The following SOX6 variants were observed in gnomAD, a reference collection of about 807,000 sequenced individuals.
The protein encoded by SOX6 is SRY-box transcription factor 6, also known as transcription factor SOX-6.
SOX6 carries 11 observed loss-of-function variants against 97.8 expected under a neutral mutation model. The ratio of observed to expected loss-of-function variants is 0.11; its 90% confidence interval spans 0.07 to 0.19. The LOEUF (loss-of-function observed/expected upper bound fraction) is 0.19, where lower values mean the gene tolerates loss of function less well. Among genes scored for constraint, SOX6 ranks in the 10% least tolerant of loss-of-function variants. The pLI, the probability that SOX6 is intolerant of heterozygous loss-of-function variation, is 1.00. For synonymous variants in SOX6, 360 were observed against 371.4 expected (o/e 0.97, Z 0.35); for missense variants, 810 against 1,039.5 (o/e 0.78, Z 3.04).
chr11:16,060,948 A>C (rs2133928266), intron 9 of SOX6, among the ~76,000 whole-genome samples: 1 of 151,928 alleles, frequency 6.6e-6, no homozygotes, highest in South Asian at 2.1e-4. Flanking sequence ...CTTGCAAATA[A>C]CAGATACCCA....
At chr11:16,675,759 G>A (rs1847879739) in intron 3 of SOX6, among the ~76,000 whole-genome samples, 1 of 152,330 alleles carries the variant, frequency 6.6e-6, no homozygotes, top group South Asian at 2.1e-4. Flanking sequence ...CTTTGAAGAT[G>A]TCATCCCATT....
intron 2 of SOX6, among the ~76,000 whole-genome samples, chr11:16,728,879 T>A (rs1355883782): frequency 6.6e-6 from 1 of 152,054 alleles, no homozygotes; most frequent in Admixed American, 6.6e-5. Context: ...AGTTTAGAGA[T>A]GAACATAAAT....
At chr11:16,272,821 C>T (rs1639366532) in intron 3 of SOX6, among the ~76,000 whole-genome samples, 1 of 151,886 alleles carries the variant, frequency 6.6e-6, no homozygotes, top group Non-Finnish European at 1.5e-5. Context: ...TGCTTTCAAC[C>T]TCATCTAGCC....
At chr11:16,401,386 A>T (rs1313676864) in intron 1 of SOX6, among the ~76,000 whole-genome samples, 1 of 151,494 alleles carries the variant, frequency 6.6e-6, no homozygotes, top group Non-Finnish European at 1.5e-5. Context: ...ACCAAAAAAA[A>T]TCTTATGTGA....
rs1853336714 is a variant in SOX6 at position 15,972,171 on chromosome 11, A to G, written c.*638T>C. On this transcript the variant is annotated 3_prime_UTR_variant, in exon 16 of 16. Transcript: ENST00000683767. ...GTTTGCTATTTTATTTTAAGATGCC[A>G]AAGATTGTCTAAGACTTTGCAGTGT... 1 of 152,736 alleles carries G rather than the reference A, an allele frequency of 6.5e-6. No homozygotes were observed. The highest frequency in any genetic ancestry group is 6.5e-5 in the Admixed American group (1 of 15,288). 9.5% of individuals were successfully genotyped at this position (152,736 alleles called of 1,614,324 possible).
chr11:16,113,037 G>A (rs1327488601), intron 6 of SOX6, among the ~76,000 whole-genome samples: 1 of 152,042 alleles, frequency 6.6e-6, no homozygotes, highest in East Asian at 1.9e-4. Context: ...ACCCTTCCCT[G>A]TCTAAATTCC....
At chr11:16,337,464 C>G (rs169859) in intron 2 of SOX6, among the ~76,000 whole-genome samples, 131,873 of 152,102 alleles carry the variant, frequency 0.87, 57,608 homozygotes, top group Non-Finnish European at 0.92. Context: ...ATAATAATAT[C>G]CTGTACATTT....
intron 1 of SOX6, among the ~76,000 whole-genome samples, chr11:16,371,300 AC>A (rs1175545057): frequency 1.3e-5 from 2 of 151,552 alleles, no homozygotes; most frequent in Admixed American, 1.3e-4. Flanking sequence ...TTTCTCTTTT[AC>A]CTCAAGTTTT....
rs1220193127 is a variant in SOX6, at chr11:16,642,163, T to C, written n.430-29903A>G. 2.6e-5 allele frequency among the ~76,000 whole-genome samples: 4 copies of C among 152,160 alleles called. No individual in the cohort carries two copies. The East Asian group carries it at 7.7e-4, about 29-fold the overall frequency. ...AAGTATTTTATTTCTCTTTCACTTATGAAGCTTAGTTTGGCTGGATATGAA... is the reference window on the plus strand; with the variant it reads ...AAGTATTTTATTTCTCTTTCACTTACGAAGCTTAGTTTGGCTGGATATGAA... On this transcript the variant is annotated intron_variant and non_coding_transcript_variant, in intron 3 of 5. Transcript: ENST00000524520.
At chr11:16,085,807 T>C (rs1848565616) in intron 9 of SOX6, among the ~76,000 whole-genome samples, 1 of 152,238 alleles carries the variant, frequency 6.6e-6, no homozygotes, top group Non-Finnish European at 1.5e-5. Flanking sequence ...CAACTGTTCA[T>C]CACAAAACAC....
chr11:16,729,035 A>G (rs1003626998), intron 2 of SOX6, among the ~76,000 whole-genome samples: 3 of 152,214 alleles, frequency 2.0e-5, no homozygotes, highest in African/African-American at 4.8e-5. Context: ...TAGAGAAATA[A>G]GAATGAAAAG....
intron 4 of SOX6, among the ~76,000 whole-genome samples, chr11:16,504,186 GACAAGAATGCCT>G (rs997509772): frequency 1.3e-5 from 2 of 151,896 alleles, no homozygotes; most frequent in Admixed American, 6.6e-5. Flanking sequence ...ACTAGAACAA[GACAAGAATGCCT>G]ACTTTTCACC....
chr11:16,542,142 T>G (rs1248938956), intron 4 of SOX6, among the ~76,000 whole-genome samples: 3 of 151,904 alleles, frequency 2.0e-5, no homozygotes, highest in Non-Finnish European at 4.4e-5. Context: ...CCATAAAAAA[T>G]GATGAGTTCA....
intron 6 of SOX6, among the ~76,000 whole-genome samples, chr11:16,125,273 CAATGAAATTTT>C (rs977759255): frequency 1.1e-4 from 17 of 151,990 alleles, no homozygotes; most frequent in South Asian, 8.3e-4. Context: ...AATGAAATTT[CAATGAAATTTT>C]AGGCATCAGA....
intron 9 of SOX6, among the ~76,000 whole-genome samples, chr11:16,084,833 G>C (rs1431037282): frequency 1.3e-5 from 2 of 151,618 alleles, no homozygotes; most frequent in East Asian, 3.8e-4. Flanking sequence ...TGGCAATAGA[G>C]TTTCATTAAT....
chr11:16,610,995 G>C lies in SOX6; in HGVS notation n.609+1086C>G, dbSNP rs946091215. On this transcript the variant is annotated intron_variant and non_coding_transcript_variant, in intron 4 of 5. Coordinates refer to the SOX6 transcript ENST00000524520. The surrounding 1 kb of genome is among the most constrained non-coding windows in gnomAD (Gnocchi z 4.4). ...AAGAACCCCGGGCGCTGAGCTCCGG[G>C]GAACCTGGGAGGGAAGGAGGGGCGA... 4.6e-5 allele frequency among the ~76,000 whole-genome samples: 7 copies of C among 152,336 alleles called. No homozygotes were observed. Among genetic ancestry groups the C allele is most frequent in the Non-Finnish European group, 1.0e-4 (7 of 68,036 alleles).
intron 12 of SOX6, among the ~76,000 whole-genome samples, chr11:16,032,835 C>T (rs759927336): frequency 1.0e-3 from 155 of 152,160 alleles, no homozygotes; most frequent in Non-Finnish European, 7.1e-4. Flanking sequence ...CAGGACCCTG[C>T]CTAGACACTC....
chr11:16,651,518 A>T (rs1847653408), intron 3 of SOX6, among the ~76,000 whole-genome samples: 1 of 152,216 alleles, frequency 6.6e-6, no homozygotes, highest in Non-Finnish European at 1.5e-5. Flanking sequence ...AACTAAAACA[A>T]AAATCATGTG....
At chr11:16,204,901 A>G (rs988034065) in intron 4 of SOX6, among the ~76,000 whole-genome samples, 2 of 152,110 alleles carry the variant, frequency 1.3e-5, no homozygotes, top group Non-Finnish European at 2.9e-5. Flanking sequence ...ACTAGAACCT[A>G]GAAGTCCTAA....
Sources: allele counts gnomAD v4.1 joint callset (sites outside exome capture counted in the v4.1 genomes callset), GRCh38; gene constraint gnomAD v4.1.1; non-coding constraint Gnocchi (gnomAD v3.1); transcripts MANE v1.5; gene names NCBI Gene and HGNC (gene_info 2026-07-23, HGNC 2026-07-21).